Variants in PIKFYVE observed in about 807,000 individuals in gnomAD.
The protein encoded by PIKFYVE is phosphoinositide kinase, FYVE-type zinc finger containing.
PIKFYVE carries 122 observed loss-of-function variants against 257.9 expected under a neutral mutation model. The observed-to-expected ratio is 0.47, with a 90% CI of 0.41 to 0.55. PIKFYVE has a LOEUF of 0.55. Ranked by LOEUF, PIKFYVE falls within the 20% of genes least tolerant of loss-of-function variation. The pLI is 0.00. For missense variants in PIKFYVE, 2,160 were observed against 2,536.6 expected, an observed-to-expected ratio of 0.85 and a Z score of 3.19; for synonymous variants, 892 against 868.9, an observed-to-expected ratio of 1.03 and a Z score of -0.47.
intron 31 of PIKFYVE, 90 bp from the exon 32 acceptor site, chr2:208,342,464 T>G (rs1033246294): frequency 5.4e-6 from 5 of 920,142 alleles, no homozygotes; most frequent in Non-Finnish European, 8.7e-6. Context: ...ATGATTCAGG[T>G]TATCATATCT....
chr2:208,324,274 G>A lies in PIKFYVE; in HGVS notation c.2323G>A (p.Val775Ile), dbSNP rs961363712. ...LEHGITLVINVKSQVLERISR... is the reference protein window; with the variant it reads ...LEHGITLVINIKSQVLERISR... Reference sequence around the variant, plus strand: ...ACATGGCATTACTTTGGTCATTAATGTAAAGTCAGTGAGTGTTTTTAATTT... The same window carrying A: ...ACATGGCATTACTTTGGTCATTAATATAAAGTCAGTGAGTGTTTTTAATTT... Residue 775 changes from valine to isoleucine, a missense_variant, in exon 18 of 42, where the codon GTA becomes ATA. Transcript: ENST00000264380. 2 of 1,613,836 alleles carry A rather than the reference G, an allele frequency of 1.2e-6. No individual in the cohort carries two copies. Among genetic ancestry groups the A allele is most frequent in the Admixed American group, 3.3e-5 (2 of 60,006 alleles).
At chr2:208,345,442 C>G (rs1699140424) in intron 33 of PIKFYVE, among the ~76,000 whole-genome samples, 1 of 151,704 alleles carries the variant, frequency 6.6e-6, no homozygotes, top group Admixed American at 6.6e-5. Flanking sequence ...GATTTAAGGA[C>G]ATTTTTGAAA....
intron 7 of PIKFYVE, among the ~76,000 whole-genome samples, chr2:208,294,312 CTGT>C (rs1692691541): frequency 6.6e-6 from 1 of 152,116 alleles, no homozygotes; most frequent in Non-Finnish European, 1.5e-5. Flanking sequence ...CTGTTCTTGC[CTGT>C]TGTTTACTTT....
intron 23 of PIKFYVE, among the ~76,000 whole-genome samples, chr2:208,331,335 A>G (rs1385631438): frequency 6.6e-6 from 1 of 152,026 alleles, no homozygotes; most frequent in Non-Finnish European, 1.5e-5. Context: ...ACTGCTTGCA[A>G]TCTGGATAAA....
chr2:208,325,825 T>C lies in PIKFYVE; in HGVS notation c.3014T>C (p.Leu1005Pro), dbSNP rs1416805931. The C allele has an allele frequency of 1.2e-6, 2 of 1,613,980 alleles. No homozygotes were observed. The highest frequency in any genetic ancestry group is 1.6e-4 in the Middle Eastern group (1 of 6,084). ...GAGACTTTGCAGCAAACAGTTGTGC[T>C]GCAGGATCCCAAAAGCCAGATAAGA... Reference protein sequence around the residue: ...QPETLQQTVVLQDPKSQIRAF... With the variant: ...QPETLQQTVVPQDPKSQIRAF... Residue 1005 changes from leucine to proline, a missense_variant, in exon 20 of 42, where the codon CTG (leucine) becomes CCG (proline). By Grantham distance (98) the Leu-to-Pro change is moderately conservative (BLOSUM62 -3). Around this residue, in one of 12 missense-constraint regions of PIKFYVE, gnomAD observed 522 missense variants for 514.6 expected, o/e 1.01. Coordinates refer to ENST00000264380, the MANE Select transcript of PIKFYVE (RefSeq NM_015040.4).
chr2:208,309,798 T>C (rs966607417), intron 12 of PIKFYVE, among the ~76,000 whole-genome samples: 2 of 152,190 alleles, frequency 1.3e-5, no homozygotes, highest in African/African-American at 2.4e-5. Context: ...GATGCCTGCA[T>C]TGGGTGATGC....
At chr2:208,299,416 A>C (rs890051985) in intron 8 of PIKFYVE, among the ~76,000 whole-genome samples, 1 of 152,002 alleles carries the variant, frequency 6.6e-6, no homozygotes, top group Non-Finnish European at 1.5e-5. Flanking sequence ...CAGCCTCCTG[A>C]GTAGCTGGGA....
chr2:208,326,547 C>T, intron 20 of PIKFYVE, 118 bp downstream of exon 20: 1 of 1,117,860 alleles, frequency 8.9e-7, no homozygotes, highest in Non-Finnish European at 1.3e-6. Flanking sequence ...AATATTTCTT[C>T]TCCTATGCTA....
At chr2:208,270,444 G>T (rs1483012505) in intron 1 of PIKFYVE, among the ~76,000 whole-genome samples, 1 of 152,174 alleles carries the variant, frequency 6.6e-6, no homozygotes, top group African/African-American at 2.4e-5. Flanking sequence ...TCCATCTGGT[G>T]ATGTGGTTAG....
chr2:208,277,818 C>T, intron 5 of PIKFYVE, 110 bp downstream of exon 5: 1 of 1,137,246 alleles, frequency 8.8e-7, no homozygotes, highest in Non-Finnish European at 1.3e-6. Flanking sequence ...ATGTGTAAGA[C>T]ATGGGGACAC....
intron 8 of PIKFYVE, among the ~76,000 whole-genome samples, chr2:208,299,710 A>G (rs1693447707): frequency 6.6e-6 from 1 of 152,240 alleles, no homozygotes; most frequent in Admixed American, 6.5e-5. Flanking sequence ...ATACACATGT[A>G]ACACTTTTCA....
At chr2:208,271,885 G>A (rs182689242) in intron 2 of PIKFYVE, among the ~76,000 whole-genome samples, 194 bp downstream of exon 2, 1 of 152,168 alleles carries the variant, frequency 6.6e-6, no homozygotes, top group African/African-American at 2.4e-5. Flanking sequence ...TGAAGAGAAA[G>A]CTAGAATTTT....
Position 208,338,457 on chromosome 2 carries a change from G to T in PIKFYVE, c.4612-51G>T, listed in dbSNP as rs1698384230. 2.5e-6 allele frequency: 4 copies of T among 1,570,988 alleles called. No individual in the cohort carries two copies. In the South Asian group the frequency reaches 3.3e-5, roughly 13 times the overall value. The stretch of plus-strand genomic sequence containing the variant: ...GATTCACTGGATTAAAAAATTTTTT[G>T]AATGTGATTTTCATGTTTTCCATAA... On this transcript the variant is annotated intron_variant, in intron 28 of 41. Coordinates refer to ENST00000264380, the MANE Select transcript of PIKFYVE (RefSeq NM_015040.4).
chr2:208,285,887 A>C lies in PIKFYVE; in HGVS notation c.775A>C (p.Lys259Gln). The change falls in exon 6 of 42, where the codon AAA becomes CAA. Residue 259 changes from lysine to glutamine, a missense_variant. Transcript: ENST00000264380. ...SEPRTPVGSR[K>Q]ASRNIFLEDD... ...ACCCCGAACACCTGTTGGGAGTAGG[A>C]AAGCCAGCCGTAACATATTTTTAGA... 6.2e-7 allele frequency: 1 copy of C among 1,614,162 alleles called. No individual in the cohort carries two copies. The highest frequency in any genetic ancestry group is 8.5e-7 in the Non-Finnish European group (1 of 1,180,026).
chr2:208,273,533 C>T, intron 2 of PIKFYVE, 51 bp from the exon 3 acceptor site: 1 of 1,610,446 alleles, frequency 6.2e-7, no homozygotes, highest in Non-Finnish European at 8.5e-7. Context: ...ACTTCCTTCT[C>T]ATTGCTGAAC....
chr2:208,349,928 C>G, intron 35 of PIKFYVE, 96 bp from the exon 36 acceptor site: 1 of 1,544,120 alleles, frequency 6.5e-7, no homozygotes, highest in Non-Finnish European at 8.8e-7. Flanking sequence ...TTTTAATTTG[C>G]TAAGTTTTTT....
chr2:208,283,627 G>A (rs1691130276), intron 5 of PIKFYVE, among the ~76,000 whole-genome samples: 2 of 151,838 alleles, frequency 1.3e-5, no homozygotes, highest in South Asian at 4.1e-4. Context: ...CCAGGCTGGA[G>A]TGCAGTGGCA....
At chr2:208,314,878 A>G (rs1695307696) in intron 14 of PIKFYVE, among the ~76,000 whole-genome samples, 1 of 142,502 alleles carries the variant, frequency 7.0e-6, no homozygotes, top group Admixed American at 7.5e-5. Flanking sequence ...CCTAGGCAAC[A>G]GAGCAAGACT....
At chr2:208,272,699 CAGT>C (rs760873991) in intron 2 of PIKFYVE, among the ~76,000 whole-genome samples, 25 of 151,950 alleles carry the variant, frequency 1.6e-4, no homozygotes, top group Non-Finnish European at 3.1e-4. Flanking sequence ...TTAATTAACT[CAGT>C]AGAACCTTTA....
Sources: gnomAD v4.1 joint callset for allele counts (sites outside exome capture counted in the v4.1 genomes callset) on GRCh38, gnomAD v4.1.1 for gene constraint, gnomAD v4.1.1 regional missense constraint, MANE v1.5 for transcripts, NCBI Gene and HGNC (gene_info 2026-07-23, HGNC 2026-07-21) for gene names.